ATP8A2: variants seen among roughly 807,000 people sequenced by gnomAD.
ATP8A2 encodes ATPase phospholipid transporting 8A2.
Under a neutral mutation model 165.6 loss-of-function variants are expected in ATP8A2, and 100 were observed. The ratio of observed to expected loss-of-function variants is 0.60; its 90% CI spans 0.51 to 0.71. ATP8A2 has a LOEUF of 0.71. Among genes scored for constraint, ATP8A2 ranks in the 30% least tolerant of loss-of-function variants. The pLI, the probability that ATP8A2 is intolerant of heterozygous loss-of-function variation, is 0.00. For synonymous variants in ATP8A2, 543 were observed against 548.8 expected (o/e 0.99, Z 0.15); for missense variants, 1,227 against 1,479.5 (o/e 0.83, Z 2.80).
chr13:25,931,256 G>A (rs1157728940), intron 33 of ATP8A2, among the ~76,000 whole-genome samples: 1 of 152,188 alleles, frequency 6.6e-6, no homozygotes, highest in Non-Finnish European at 1.5e-5. Flanking sequence ...TTCAGGTTAT[G>A]TCTGTGAGGT....
chr13:25,408,692 A>G (rs1053801236), intron 1 of ATP8A2, among the ~76,000 whole-genome samples: 4 of 151,666 alleles, frequency 2.6e-5, no homozygotes, highest in African/African-American at 9.7e-5. Context: ...CTTTCCCAAA[A>G]TAATCTTGGC....
chr13:25,949,958 C>A (rs1204692704), intron 33 of ATP8A2, among the ~76,000 whole-genome samples: 3 of 152,054 alleles, frequency 2.0e-5, no homozygotes, highest in Non-Finnish European at 4.4e-5. Flanking sequence ...CACCACCACG[C>A]CTGGCTAATT....
At position 25,863,503 on chromosome 13, in the gene ATP8A2, C is replaced by A. The variant is rs1323566073; in HGVS notation, c.3183+1095C>A. ...AGGATGCTTGTGCAGGGGCACAGAACCCAGGGTGGGATGGGAACTGTGGGT... is the reference window on the plus strand; with the variant it reads ...AGGATGCTTGTGCAGGGGCACAGAAACCAGGGTGGGATGGGAACTGTGGGT... On this transcript the variant is annotated intron_variant, in intron 33 of 36. Transcript: ENST00000381655. The A allele has an allele frequency of 4.6e-5, 7 of 152,460 alleles. No homozygotes were observed. The East Asian group carries it at 1.4e-3, about 29-fold the overall frequency. 9.4% of individuals were successfully genotyped at this position (152,460 alleles called of 1,614,324 possible).
chr13:25,565,225 T>C (rs1350258794), intron 16 of ATP8A2, among the ~76,000 whole-genome samples: 2 of 152,190 alleles, frequency 1.3e-5, no homozygotes, highest in Non-Finnish European at 2.9e-5. Context: ...GCAAGTATTT[T>C]TTCCTCTGGG....
chr13:25,609,587 G>GAA (rs1208923986), intron 24 of ATP8A2, among the ~76,000 whole-genome samples: 2 of 35,900 alleles, frequency 5.6e-5, no homozygotes, highest in African/African-American at 1.6e-4. Flanking sequence ...ATATATTTGG[G>GAA]TTCAAATATA....
At chr13:25,393,100 C>CT (rs2033304753) in intron 1 of ATP8A2, among the ~76,000 whole-genome samples, 1 of 147,904 alleles carries the variant, frequency 6.8e-6, no homozygotes, top group Admixed American at 6.8e-5. Context: ...TTCATGGATA[C>CT]TTTTTTTTAG....
chr13:25,531,420 G>GATT (rs1555291365), intron 4 of ATP8A2, among the ~76,000 whole-genome samples: 4 of 32,780 alleles, frequency 1.2e-4, no homozygotes, highest in Non-Finnish European at 3.1e-4. Flanking sequence ...TTATATATAT[G>GATT]ATATATATAT....
intron 1 of ATP8A2, among the ~76,000 whole-genome samples, chr13:25,419,800 G>A (rs2034246219): frequency 6.6e-6 from 1 of 152,072 alleles, no homozygotes; most frequent in Admixed American, 6.6e-5. Flanking sequence ...ATAATCAAGG[G>A]CTATTAAGTG....
intron 2 of ATP8A2, among the ~76,000 whole-genome samples, chr13:25,488,105 C>A (rs1484447412): frequency 6.6e-6 from 1 of 152,170 alleles, no homozygotes. Flanking sequence ...TATCGTATAT[C>A]CCTTCCTGTT....
Position 25,551,499 on chromosome 13 carries a change from G to A in ATP8A2, c.1053G>A (p.Lys351=), listed in dbSNP as rs772609989. The A allele has an allele frequency of 2.5e-6, 4 of 1,601,516 alleles. No homozygotes were observed. The South Asian group carries it at 4.4e-5, about 18-fold the overall frequency. The change falls in exon 11 of 37, where the codon AAG becomes AAA. Residue 351 remains lysine (K), a synonymous_variant. Transcript: ENST00000381655. ...SHGEKNWYIK[K]MDTTSDNFGY... The stretch of plus-strand genomic sequence containing the variant: ...GTGAAAAGAACTGGTACATCAAGAA[G>A]ATGGGTAAGTGTCGGGGTGGGTTGC...
At chr13:25,478,042 A>C (rs2036044145) in intron 2 of ATP8A2, among the ~76,000 whole-genome samples, 1 of 152,230 alleles carries the variant, frequency 6.6e-6, no homozygotes, top group Non-Finnish European at 1.5e-5. Flanking sequence ...TCTGTTGAAT[A>C]CTTTAGTAAA....
chr13:25,617,552 A>C (rs1277729440), intron 24 of ATP8A2, among the ~76,000 whole-genome samples: 1 of 152,202 alleles, frequency 6.6e-6, no homozygotes, highest in Non-Finnish European at 1.5e-5. Context: ...GATTCATCTG[A>C]CAAAACTCTT....
intron 34 of ATP8A2, among the ~76,000 whole-genome samples, chr13:25,961,868 A>G (rs1014908397): frequency 3.3e-5 from 5 of 152,306 alleles, no homozygotes; most frequent in Admixed American, 1.3e-4. Context: ...CCATAACAAT[A>G]GAAAAATCAG....
intron 24 of ATP8A2, among the ~76,000 whole-genome samples, chr13:25,651,439 CAAA>C (rs201232779): frequency 7.1e-6 from 1 of 140,994 alleles, no homozygotes; most frequent in Admixed American, 7.1e-5. Flanking sequence ...GAGACTGTTT[CAAA>C]AAAAAAAAAA....
intron 1 of ATP8A2, among the ~76,000 whole-genome samples, chr13:25,461,776 C>T (rs2035508350): frequency 6.6e-6 from 1 of 151,816 alleles, no homozygotes; most frequent in African/African-American, 2.4e-5. Flanking sequence ...AAGGGCTCAG[C>T]AAACCATGGC....
chr13:25,570,944 G>A (rs1298644416), intron 17 of ATP8A2, 72 bp downstream of exon 17: 1 of 1,142,002 alleles, frequency 8.8e-7, no homozygotes, highest in African/African-American at 1.5e-5. Context: ...TATTCTTGGA[G>A]GTGTTGCCAT....
chr13:25,859,745 A>T (rs1297380664), intron 30 of ATP8A2, among the ~76,000 whole-genome samples: 3 of 152,170 alleles, frequency 2.0e-5, no homozygotes. Flanking sequence ...AGTCATGATG[A>T]ATTGGTTTAA....
At chr13:25,497,529 T>C (rs1321919604) in intron 2 of ATP8A2, among the ~76,000 whole-genome samples, 1 of 152,250 alleles carries the variant, frequency 6.6e-6, no homozygotes, top group Non-Finnish European at 1.5e-5. Context: ...TATTTGATTC[T>C]GCAGTGTTAG....
At chr13:25,612,690 T>A (rs1294776550) in intron 24 of ATP8A2, among the ~76,000 whole-genome samples, 1 of 152,206 alleles carries the variant, frequency 6.6e-6, no homozygotes, top group African/African-American at 2.4e-5. Context: ...TGTTTCTTTG[T>A]TGAATTTCTG....
Sources: gnomAD v4.1 joint callset for allele counts (sites outside exome capture counted in the v4.1 genomes callset) on GRCh38, gnomAD v4.1.1 for gene constraint, MANE v1.5 for transcripts, NCBI Gene and HGNC (gene_info 2026-07-23, HGNC 2026-07-21) for gene names.